EXD3: variants seen among roughly 807,000 people sequenced by gnomAD.
EXD3 encodes exonuclease 3'-5' domain containing 3.
A neutral mutation model predicts 98.0 loss-of-function variants in EXD3; 92 were observed. The ratio of observed to expected loss-of-function variants is 0.94; its 90% CI spans 0.79 to 1.12. The LOEUF is 1.12. EXD3 is among the 50% of genes most tolerant of loss of function. EXD3 has a pLI of 0.00. For synonymous variants in EXD3, 569 were observed against 526.0 expected (o/e 1.08, Z -1.12); for missense variants, 1,222 against 1,191.6 (o/e 1.03, Z -0.38).
chr9:137,343,110 ACT>A (rs1833735759), intron 17 of EXD3: 1 of 152,286 alleles, frequency 6.6e-6, no homozygotes, highest in African/African-American at 2.4e-5. Flanking sequence ...ACAGAGTAAG[ACT>A]CTGTTTCAAA....
rs1564508245 is a variant in EXD3 at position 137,355,486 on chromosome 9, GGAGGATGGAGGAA to G, written c.758-726_758-714del. ...GAAAGGAGGAAGGAGGAAGGAGGAA[GGAGGATGGAGGAA>G]GGAGGAAGGAGGAAGGAGGAAGGAG... On this transcript the variant is annotated intron_variant, in intron 8 of 21. Coordinates refer to ENST00000340951, the MANE Select transcript of EXD3 (RefSeq NM_017820.5). Among the ~76,000 whole-genome samples, 89 of 63,892 alleles carry G rather than the reference GGAGGATGGAGGAA, an allele frequency of 1.4e-3. 1 individual carries two copies. The highest frequency in any genetic ancestry group is 7.5e-3 in the Middle Eastern group (1 of 134). 41.9% of individuals were successfully genotyped at this position (63,892 alleles called of 152,430 possible).
At chr9:137,389,499 G>C (rs568721587) in intron 2 of EXD3, among the ~76,000 whole-genome samples, 1 of 152,158 alleles carries the variant, frequency 6.6e-6, no homozygotes, top group East Asian at 1.9e-4. Context: ...GCCTCTGCTG[G>C]GAAAGCGGGA....
intron 17 of EXD3, among the ~76,000 whole-genome samples, chr9:137,337,240 A>G (rs1003514484): frequency 2.0e-5 from 3 of 152,214 alleles, no homozygotes; most frequent in Non-Finnish European, 4.4e-5. Context: ...TACTAACATA[A>G]CTTTAAAACA....
chr9:137,396,726 A>G (rs1213416519), intron 1 of EXD3, among the ~76,000 whole-genome samples: 1 of 152,220 alleles, frequency 6.6e-6, no homozygotes, highest in African/African-American at 2.4e-5. Context: ...GCCGCGTCAC[A>G]TGGAGGTTAG....
At chr9:137,355,492 T>TGGAGGAAGGAGGAA (rs1834624058) in intron 8 of EXD3, among the ~76,000 whole-genome samples, 7 of 30,774 alleles carry the variant, frequency 2.3e-4, no homozygotes, top group South Asian at 1.4e-3. Flanking sequence ...GGAAGGAGGA[T>TGGAGGAAGGAGGAA]GGAGGAAGGA....
At chr9:137,363,755 A>G (rs1835097848) in intron 7 of EXD3, among the ~76,000 whole-genome samples, 1 of 152,182 alleles carries the variant, frequency 6.6e-6, no homozygotes, top group Admixed American at 6.5e-5. Flanking sequence ...CTTAATAGAT[A>G]TATAGGACTA....
rs140346641 is a variant in EXD3, at chr9:137,399,722, C to T, written c.-47-4318G>A. ...CAGAATCATGGTGGGAGGCGAAAGG[C>T]GCTTCTTACATGGTGGTGGCAAGAG... is the stretch of plus-strand genomic sequence containing the variant. On this transcript the variant is annotated intron_variant, in intron 1 of 21. Transcript: ENST00000340951. 4.4e-3 allele frequency among the ~76,000 whole-genome samples: 663 copies of T among 152,198 alleles called. 2 individuals carry two copies. The highest frequency in any genetic ancestry group is 7.6e-3 in the Non-Finnish European group (516 of 68,010).
At chr9:137,412,577 G>A (rs191966556) in intron 1 of EXD3, among the ~76,000 whole-genome samples, 2 of 152,176 alleles carry the variant, frequency 1.3e-5, no homozygotes, top group East Asian at 3.9e-4. Flanking sequence ...CATGGGACAG[G>A]GTGGATACCC....
At chr9:137,356,448 A>G (rs1834795423) in intron 7 of EXD3, 80 bp from the exon 8 acceptor site, 4 of 939,304 alleles carry the variant, frequency 4.3e-6, no homozygotes, top group African/African-American at 3.3e-5. Context: ...TCATAGTCAT[A>G]TGCATGCATA....
At chr9:137,317,591 G>C (rs1229756087) in intron 19 of EXD3, among the ~76,000 whole-genome samples, 1 of 152,096 alleles carries the variant, frequency 6.6e-6, no homozygotes, top group Admixed American at 6.5e-5. Flanking sequence ...TGCTAGGAAA[G>C]GGGGGATGAG....
intron 1 of EXD3, among the ~76,000 whole-genome samples, chr9:137,418,162 C>T (rs1838328120): frequency 1.3e-5 from 2 of 152,152 alleles, no homozygotes; most frequent in African/African-American, 4.8e-5. Context: ...GCCTGGCCAA[C>T]ATGGTGAAAC....
chr9:137,318,620 C>T (rs921335138), intron 19 of EXD3, among the ~76,000 whole-genome samples: 4 of 152,158 alleles, frequency 2.6e-5, no homozygotes, highest in African/African-American at 9.7e-5. Flanking sequence ...TTCCCCACCC[C>T]CACCCTGCCC....
At chr9:137,328,628 GGGACTACAC>G (rs1832658075) in intron 17 of EXD3, among the ~76,000 whole-genome samples, 1 of 87,408 alleles carries the variant, frequency 1.1e-5, no homozygotes, top group African/African-American at 6.3e-5. Flanking sequence ...GGGACTACAC[GGGACTACAC>G]GGGGCTACAC....
In EXD3 at chr9:137,393,243, G is replaced by A. The variant is rs1411692354; in HGVS notation, c.55+2060C>T. The A allele has an allele frequency of 4.3e-6, 3 of 702,556 alleles. No individual in the cohort carries two copies. The highest frequency in any genetic ancestry group is 7.8e-6 in the Non-Finnish European group (3 of 384,856). The allele number at this position is 702,556 out of a possible 1,614,324, so 43.5% of individuals were successfully genotyped here. On this transcript the variant is annotated intron_variant, in intron 2 of 21. Coordinates refer to ENST00000340951, the MANE Select transcript of EXD3 (RefSeq NM_017820.5). The surrounding 1 kb of genome is among the most constrained non-coding windows in gnomAD (Gnocchi z 4.6). ...GTAGAAGCCTGTGGGTGCCTGTGCA[G>A]GGAGAGTCAGCTCTGTGCTGAGGCG...
intron 1 of EXD3, among the ~76,000 whole-genome samples, chr9:137,419,987 A>C (rs182247647): frequency 6.6e-6 from 1 of 151,768 alleles, no homozygotes; most frequent in Non-Finnish European, 1.5e-5. Context: ...GTGAAACCCC[A>C]TCTCTACTAA....
intron 17 of EXD3, among the ~76,000 whole-genome samples, chr9:137,325,199 G>A (rs920445970): frequency 6.6e-6 from 1 of 152,148 alleles, no homozygotes; most frequent in African/African-American, 2.4e-5. Flanking sequence ...AAAGGAGCCC[G>A]AGCTTTTTGG....
intron 19 of EXD3, among the ~76,000 whole-genome samples, chr9:137,320,510 G>A (rs1191057861): frequency 6.6e-6 from 1 of 152,216 alleles, no homozygotes; most frequent in African/African-American, 2.4e-5. Flanking sequence ...TGCCACAGCA[G>A]GGGCAGCTTG....
At chr9:137,415,200 G>GT (rs367864696) in intron 1 of EXD3, among the ~76,000 whole-genome samples, 1,942 of 140,546 alleles carry the variant, frequency 0.014, 20 homozygotes, top group African/African-American at 0.04. Flanking sequence ...TCACAGGTTT[G>GT]TTTTTTTTTT....
In EXD3 at chr9:137,367,957, C is replaced by T. The variant is rs772841368; in HGVS notation, c.495G>A (p.Gln165=). The part of the protein sequence containing the change: ...AATLGATLKL[Q]SELGVEKMSI... Reference sequence around the variant, plus strand: ...TCACCTTTTCAACGCCAAGCTCCGACTGCAGCTTCAACGTCGCGCCCAGCG... The same window carrying T: ...TCACCTTTTCAACGCCAAGCTCCGATTGCAGCTTCAACGTCGCGCCCAGCG... Residue 165 remains glutamine, a synonymous_variant, in exon 6 of 22, where the codon CAG becomes CAA. Transcript: ENST00000340951. 3 of 1,612,136 alleles carry T rather than the reference C, an allele frequency of 1.9e-6. No individual in the cohort carries two copies. The African/African-American group carries it at 4.0e-5, about 21-fold the overall frequency.
Sources: gnomAD v4.1 joint callset for allele counts (sites outside exome capture counted in the v4.1 genomes callset) on GRCh38, gnomAD v4.1.1 for gene constraint, Gnocchi (gnomAD v3.1) non-coding constraint, MANE v1.5 for transcripts, NCBI Gene and HGNC (gene_info 2026-07-23, HGNC 2026-07-21) for gene names.